The following VSX2 variants were observed in gnomAD, a reference collection of about 807,000 sequenced individuals.
The protein encoded by VSX2 is visual system homeobox 2, also known as ceh-10 homeo domain containing homolog.
VSX2 carries 28 observed loss-of-function variants against 32.1 expected under a neutral mutation model. The observed-to-expected ratio is 0.87, with a 90% CI of 0.65 to 1.20. VSX2 has a LOEUF of 1.20. VSX2 is among the 50% of genes most tolerant of loss of function. The probability of loss-of-function intolerance (pLI) is 0.00; values close to 1 mark genes in which losing one functional copy is unlikely to be tolerated. For synonymous variants in VSX2, 243 were observed against 214.1 expected (o/e 1.14, Z -1.18); for missense variants, 506 against 488.7 (o/e 1.04, Z -0.33).
At chr14:74,251,962 C>T (rs754180073) in intron 3 of VSX2, among the ~76,000 whole-genome samples, 12 of 152,150 alleles carry the variant, frequency 7.9e-5, no homozygotes, top group Non-Finnish European at 1.8e-4. Context: ...CCTGAGGTAG[C>T]GAGGAGACCA....
At chr14:74,244,397 G>T (rs2079170539) in intron 2 of VSX2, among the ~76,000 whole-genome samples, 1 of 152,052 alleles carries the variant, frequency 6.6e-6, no homozygotes, top group Admixed American at 6.5e-5. Flanking sequence ...ACTGGAAAAG[G>T]CTCGGGGCAG....
At chr14:74,255,778 A>T (rs2079259009) in intron 3 of VSX2, among the ~76,000 whole-genome samples, 1 of 152,136 alleles carries the variant, frequency 6.6e-6, no homozygotes, top group South Asian at 2.1e-4. Flanking sequence ...CTGTCTTTCT[A>T]TATTCCACAA....
intron 3 of VSX2, among the ~76,000 whole-genome samples, chr14:74,256,990 T>A (rs983038315): frequency 1.3e-5 from 2 of 152,044 alleles, no homozygotes; most frequent in Non-Finnish European, 2.9e-5. Context: ...CATACTTTTA[T>A]GTAGATTAGT....
intron 3 of VSX2, among the ~76,000 whole-genome samples, chr14:74,250,389 C>T (rs1055683209): frequency 6.6e-6 from 1 of 152,054 alleles, no homozygotes; most frequent in African/African-American, 2.4e-5. Context: ...GGGCAGGCTA[C>T]ATATATATTC....
rs1322990620 is a variant in VSX2 at position 74,239,533 on chromosome 14, C to T, written c.-29C>T. 6.5e-7 allele frequency: 1 copy of T among 1,550,348 alleles called. No individual in the cohort carries two copies. The highest frequency in any genetic ancestry group is 1.2e-5 in the South Asian group (1 of 84,048). ...GGGGGTGGGGGGAGCTAAAGACCTG[C>T]GGCCTCAGCCCCTCCAAAGAACAGG... On this transcript the variant is annotated 5_prime_UTR_variant, in exon 1 of 5. Coordinates refer to ENST00000261980, the MANE Select transcript of VSX2 (RefSeq NM_182894.3).
intron 4 of VSX2, 21 bp downstream of exon 4, chr14:74,259,803 T>C: frequency 6.8e-7 from 1 of 1,461,766 alleles, no homozygotes; most frequent in South Asian, 1.2e-5. Flanking sequence ...GCACCCTCCT[T>C]GGGGTCCTGC....
At chr14:74,258,522 C>A (rs1380030635) in intron 3 of VSX2, among the ~76,000 whole-genome samples, 1 of 152,230 alleles carries the variant, frequency 6.6e-6, no homozygotes, top group East Asian at 1.9e-4. Flanking sequence ...CCTGGGGCGA[C>A]TCGCTGCCCC....
At chr14:74,247,559 T>C (rs751018694) in intron 3 of VSX2, among the ~76,000 whole-genome samples, 5 of 152,166 alleles carry the variant, frequency 3.3e-5, no homozygotes, top group Non-Finnish European at 7.3e-5. Flanking sequence ...GACCATGAAT[T>C]TCCTTTGAGA....
At chr14:74,252,941 C>G (rs1458539094) in intron 3 of VSX2, among the ~76,000 whole-genome samples, 1 of 149,810 alleles carries the variant, frequency 6.7e-6, no homozygotes, top group Non-Finnish European at 1.5e-5. Flanking sequence ...CCCAGCTACT[C>G]AGGAGGCTGA....
intron 3 of VSX2, among the ~76,000 whole-genome samples, chr14:74,247,812 A>AC (rs1266213607): frequency 6.6e-6 from 1 of 151,604 alleles, no homozygotes; most frequent in Non-Finnish European, 1.5e-5. Flanking sequence ...AAAAAAAAAA[A>AC]ACAGCCCAAA....
intron 3 of VSX2, among the ~76,000 whole-genome samples, chr14:74,248,524 CA>C (rs200356083): frequency 7.1e-4 from 107 of 150,592 alleles, no homozygotes; most frequent in African/African-American, 2.5e-3. Context: ...CCCATCTCTA[CA>C]AAAAAAAATT....
intron 4 of VSX2, 95 bp downstream of exon 4, chr14:74,259,877 G>A: frequency 7.7e-7 from 1 of 1,293,344 alleles, no homozygotes; most frequent in Non-Finnish European, 1.1e-6. Flanking sequence ...GGGCACTTGG[G>A]CCACAGCAGC....
In VSX2 at chr14:74,262,034, C is replaced by A. The variant is rs1446592822; in HGVS notation, c.*1115C>A. 6.6e-6 allele frequency: 1 copy of A among 152,416 alleles called. No homozygotes were observed. The highest frequency in any genetic ancestry group is 1.5e-5 in the Non-Finnish European group (1 of 68,226). The allele number at this position is 152,416 out of a possible 1,614,324, so 9.4% of individuals were successfully genotyped here. ...CTGCTGGAGAAACCTTCACTCCAGA[C>A]AGACAGGGGGCTAAGGGGCTAGGGC... On this transcript the variant is annotated 3_prime_UTR_variant, in exon 5 of 5. Coordinates refer to ENST00000261980, the MANE Select transcript of VSX2 (RefSeq NM_182894.3).
rs115662253 is a variant in VSX2, at chr14:74,239,516, G to A, written c.-46G>A. 56 of 1,549,262 alleles carry A rather than the reference G, an allele frequency of 3.6e-5. No homozygotes were observed. Among genetic ancestry groups the A allele is most frequent in the South Asian group, 6.0e-5 (5 of 83,948 alleles). ...AGCGGGAAGCCCGGCGGGGGGGTGG[G>A]GGGAGCTAAAGACCTGCGGCCTCAG... On this transcript the variant is annotated 5_prime_UTR_variant, in exon 1 of 5. Coordinates refer to ENST00000261980, the MANE Select transcript of VSX2 (RefSeq NM_182894.3).
chr14:74,244,913 T>TGTGAGAGAGAGAAAGAGAGAGAGAAA (rs2079176166), intron 2 of VSX2, among the ~76,000 whole-genome samples: 2 of 59,218 alleles, frequency 3.4e-5, no homozygotes, highest in Non-Finnish European at 1.0e-4. Flanking sequence ...TGTGTGTGTG[T>TGTGAGAGAGAGAAAGAGAGAGAGAAA]GTGTGTGTGT....
intron 3 of VSX2, among the ~76,000 whole-genome samples, chr14:74,258,403 G>A (rs1050859357): frequency 6.6e-6 from 1 of 152,188 alleles, no homozygotes; most frequent in Non-Finnish European, 1.5e-5. Flanking sequence ...GGGGGAGGGG[G>A]CCCGGAGGGA....
intron 3 of VSX2, among the ~76,000 whole-genome samples, chr14:74,254,970 C>T (rs184104961): frequency 0.017 from 2,618 of 151,800 alleles, 83 homozygotes; most frequent in Admixed American, 0.086. Flanking sequence ...TTAGTAGAGT[C>T]GGGGTTTCAC....
chr14:74,260,010 G>C (rs1308803681), intron 4 of VSX2, among the ~76,000 whole-genome samples: 2 of 152,182 alleles, frequency 1.3e-5, no homozygotes, highest in African/African-American at 2.4e-5. Context: ...CATCATGAAC[G>C]AGTCCCTAAC....
In VSX2 at chr14:74,259,706, C is replaced by T. The variant is rs1376082033; in HGVS notation, c.684C>T (p.His228=). The change falls in exon 4 of 5, where the codon CAC becomes CAT. Residue 228 remains histidine (H), a synonymous_variant. Coordinates refer to ENST00000261980, the MANE Select transcript of VSX2 (RefSeq NM_182894.3). ...GGCTCTACGGGGCCATGGTGCGGCA[C>T]TCCATCCCCCTGCCCGAGTCCATCC... ...EYGLYGAMVR[H]SIPLPESILK... is the part of the protein sequence containing the mutation. The T allele has an allele frequency of 4.3e-6, 7 of 1,613,920 alleles. No individual in the cohort carries two copies. Among genetic ancestry groups the T allele is most frequent in the Non-Finnish European group, 5.1e-6 (6 of 1,179,836 alleles).
Sources: gnomAD v4.1 joint callset for allele counts (sites outside exome capture counted in the v4.1 genomes callset) on GRCh38, gnomAD v4.1.1 for gene constraint, MANE v1.5 for transcripts, NCBI Gene and HGNC (gene_info 2026-07-23, HGNC 2026-07-21) for gene names.